The following UNC13C variants were observed in gnomAD, a reference collection of about 807,000 sequenced individuals.
UNC13C encodes protein unc-13 homolog C.
UNC13C carries 174 observed loss-of-function variants against 245.4 expected under a neutral mutation model. That is an observed-to-expected ratio of 0.71 (90% CI 0.63 to 0.80). The LOEUF is 0.80. Ranked by LOEUF, UNC13C falls within the 30% of genes least tolerant of loss-of-function variation. UNC13C has a pLI of 0.00. For missense variants in UNC13C, 2,829 were observed against 2,602.9 expected, an observed-to-expected ratio of 1.09 and a Z score of -1.89; for synonymous variants, 992 against 895.1, an observed-to-expected ratio of 1.11 and a Z score of -1.93.
intron 2 of UNC13C, among the ~76,000 whole-genome samples, chr15:54,139,404 A>G (rs2031904176): frequency 6.6e-6 from 1 of 152,174 alleles, no homozygotes; most frequent in South Asian, 2.1e-4. Flanking sequence ...TAGGACTTCA[A>G]CATTTAAATT....
intron 30 of UNC13C, chr15:54,609,578 G>A (rs1188286627): frequency 6.6e-6 from 1 of 152,058 alleles, no homozygotes; most frequent in African/African-American, 2.4e-5. Context: ...CTAGATGTTT[G>A]TTAAACAATT....
intron 16 of UNC13C, among the ~76,000 whole-genome samples, chr15:54,336,814 A>G (rs1046612483): frequency 2.0e-5 from 3 of 152,086 alleles, no homozygotes; most frequent in Non-Finnish European, 4.4e-5. Flanking sequence ...TGAACTCTCT[A>G]TACTGTTCAA....
intron 17 of UNC13C, 52 bp downstream of exon 17, chr15:54,338,541 G>A (rs2038650117): frequency 6.3e-7 from 1 of 1,590,406 alleles, no homozygotes; most frequent in Non-Finnish European, 8.6e-7. Flanking sequence ...TCTAGTATCT[G>A]TTTCCATAAG....
chr15:54,533,618 A>G (rs1895857646), intron 26 of UNC13C, among the ~76,000 whole-genome samples: 1 of 152,242 alleles, frequency 6.6e-6, no homozygotes, highest in South Asian at 2.1e-4. Flanking sequence ...CCCTGATACC[A>G]TGGAGATTAC....
the UNC13C span, among the ~76,000 whole-genome samples, chr15:53,870,640 C>G: frequency 6.6e-6 from 1 of 152,118 alleles, no homozygotes; most frequent in Non-Finnish European, 1.5e-5. Context: ...AGACTACGTC[C>G]TAACTCATAA....
intron 4 of UNC13C, among the ~76,000 whole-genome samples, chr15:54,227,228 G>A (rs1487425460): frequency 6.6e-6 from 1 of 152,152 alleles, no homozygotes; most frequent in Admixed American, 6.5e-5. Context: ...TCAGAAGGGA[G>A]GAAGTGTGTG....
chr15:54,213,915 G>A (rs1230007147), intron 4 of UNC13C, among the ~76,000 whole-genome samples: 1 of 151,976 alleles, frequency 6.6e-6, no homozygotes, highest in Non-Finnish European at 1.5e-5. Context: ...CAAAGGCATT[G>A]AGATCACATA....
intron 17 of UNC13C, among the ~76,000 whole-genome samples, chr15:54,351,540 A>G (rs969545278): frequency 6.6e-6 from 1 of 152,174 alleles, no homozygotes; most frequent in Non-Finnish European, 1.5e-5. Flanking sequence ...AGTTCTTTAT[A>G]TAATTCCTTT....
chr15:54,112,781 C>T (rs531079358), intron 2 of UNC13C, among the ~76,000 whole-genome samples: 35 of 152,312 alleles, frequency 2.3e-4, no homozygotes, highest in South Asian at 6.2e-4. Context: ...CTTTTTAACG[C>T]TCATGTCAGT....
At chr15:53,985,174 A>T (rs548698082) in intron 1 of UNC13C, among the ~76,000 whole-genome samples, 1 of 151,382 alleles carries the variant, frequency 6.6e-6, no homozygotes, top group Non-Finnish European at 1.5e-5. Context: ...TTCAGCTCCC[A>T]CTTATGAGTG....
chr15:53,988,618 T>C (rs2140956498), intron 1 of UNC13C, among the ~76,000 whole-genome samples: 1 of 151,890 alleles, frequency 6.6e-6, no homozygotes, highest in Non-Finnish European at 1.5e-5. Flanking sequence ...GATTTGGAAG[T>C]ACATTCTTTC....
At chr15:54,326,471 A>C (rs2140986942) in intron 14 of UNC13C, among the ~76,000 whole-genome samples, 1 of 152,188 alleles carries the variant, frequency 6.6e-6, no homozygotes, top group Middle Eastern at 3.4e-3. Flanking sequence ...TAGGAGATAA[A>C]GCTGATGGTT....
At chr15:54,000,784 G>A (rs1279578652) in intron 1 of UNC13C, among the ~76,000 whole-genome samples, 2 of 152,090 alleles carry the variant, frequency 1.3e-5, no homozygotes, top group Non-Finnish European at 2.9e-5. Context: ...TTAGACACTC[G>A]AGGTGCGGCA....
intron 19 of UNC13C, among the ~76,000 whole-genome samples, chr15:54,444,083 G>A (rs1025470669): frequency 6.6e-6 from 1 of 151,712 alleles, no homozygotes; most frequent in African/African-American, 2.4e-5. Flanking sequence ...CTCCAGTATG[G>A]TTACATATAT....
Position 54,280,109 on chromosome 15 carries a change from T to C in UNC13C, c.3819-13786T>C, listed in dbSNP as rs533758476. Among the ~76,000 whole-genome samples the C allele has an allele frequency of 9.9e-5, 15 of 152,256 alleles. No individual in the cohort carries two copies. In the East Asian group the frequency reaches 2.7e-3, roughly 27 times the overall value. On this transcript the variant is annotated intron_variant, in intron 10 of 32. Transcript: ENST00000260323. The stretch of plus-strand genomic sequence containing the variant: ...GCAAAGCTACTTTTAATAATTTGAC[T>C]AACATATTTTCACAAGTTTATAAAC...
chr15:54,382,671 A>T (rs1435149623), intron 17 of UNC13C, among the ~76,000 whole-genome samples: 1 of 152,106 alleles, frequency 6.6e-6, no homozygotes, highest in Non-Finnish European at 1.5e-5. Flanking sequence ...GCAAGAATAA[A>T]TCTAACCCAA....
At chr15:54,531,425 A>G (rs1818707) in intron 25 of UNC13C, among the ~76,000 whole-genome samples, 7,012 of 152,244 alleles carry the variant, frequency 0.046, 549 homozygotes, top group African/African-American at 0.16. Context: ...TGTTACAGAT[A>G]TTACATGGCC....
At chr15:54,191,410 A>G (rs1595979227) in intron 4 of UNC13C, among the ~76,000 whole-genome samples, 1 of 152,168 alleles carries the variant, frequency 6.6e-6, no homozygotes, top group African/African-American at 2.4e-5. Flanking sequence ...ATAGTATTCC[A>G]GGGTGTATAT....
intron 19 of UNC13C, among the ~76,000 whole-genome samples, chr15:54,487,866 C>T (rs184879720): frequency 6.6e-6 from 1 of 151,126 alleles, no homozygotes; most frequent in East Asian, 1.9e-4. Context: ...CTATTTTCCT[C>T]TCTAGAGGAT....
Sources: gnomAD v4.1 joint callset for allele counts (sites outside exome capture counted in the v4.1 genomes callset) on GRCh38, gnomAD v4.1.1 for gene constraint, MANE v1.5 for transcripts, NCBI Gene and HGNC (gene_info 2026-07-23, HGNC 2026-07-21) for gene names.